The following BCL2L14 variants were observed in gnomAD, a reference collection of about 807,000 sequenced individuals.
The protein encoded by BCL2L14 is apoptosis facilitator Bcl-2-like protein 14.
In BCL2L14, 27 loss-of-function variants were observed where a neutral mutation model predicts 35.3. That is an observed-to-expected ratio of 0.76 (90% CI 0.56 to 1.05). The LOEUF is 1.05. Ranked by LOEUF, BCL2L14 falls within the 50% of genes least tolerant of loss-of-function variation. BCL2L14 has a pLI of 0.00. For synonymous variants in BCL2L14, 139 were observed against 145.9 expected (o/e 0.95, Z 0.34); for missense variants, 377 against 382.6 (o/e 0.99, Z 0.12).
intron 5 of BCL2L14, among the ~76,000 whole-genome samples, chr12:12,098,478 C>G (rs1005735337): frequency 6.6e-6 from 1 of 152,118 alleles, no homozygotes; most frequent in Non-Finnish European, 1.5e-5. Context: ...ATGAATCGAT[C>G]AAATGAATGA....
chr12:12,053,423 C>CT (rs5796482), intron 2 of BCL2L14, among the ~76,000 whole-genome samples: 6,791 of 148,706 alleles, frequency 0.046, 181 homozygotes, highest in Middle Eastern at 0.076. Flanking sequence ...TCTTCTTCTT[C>CT]TTTTTTTTTT....
intron 2 of BCL2L14, among the ~76,000 whole-genome samples, chr12:12,057,833 AG>A (rs1288782997): frequency 6.7e-6 from 1 of 149,278 alleles, no homozygotes; most frequent in Non-Finnish European, 1.5e-5. Context: ...GGTCAGGTTT[AG>A]TGGTTAGCGT....
At chr12:12,067,956 C>T (rs1339923573), upstream of BCL2L14, among the ~76,000 whole-genome samples, 5 of 151,428 alleles carry the variant, frequency 3.3e-5, no homozygotes, top group African/African-American at 1.2e-4. Flanking sequence ...TTTTTTGAGA[C>T]AGGGTCTGGC....
intron 1 of BCL2L14, chr12:12,071,475 T>C (rs1948668404): frequency 6.6e-6 from 1 of 152,146 alleles, no homozygotes; most frequent in Non-Finnish European, 1.5e-5. Flanking sequence ...TGCAATGACA[T>C]GACAGCCATT....
At chr12:12,068,617 C>T (rs1418343508), upstream of BCL2L14, among the ~76,000 whole-genome samples, 1 of 151,884 alleles carries the variant, frequency 6.6e-6, no homozygotes, top group African/African-American at 2.4e-5. Flanking sequence ...CCACCTCAGC[C>T]CCCTGAGTAG....
At chr12:12,067,560 AAAG>A (rs1591810917), upstream of BCL2L14, among the ~76,000 whole-genome samples, 1 of 152,106 alleles carries the variant, frequency 6.6e-6, no homozygotes, top group Non-Finnish European at 1.5e-5. Flanking sequence ...GAAGAAAAAA[AAAG>A]AATCATCCTG....
chr12:12,086,748 A>G (rs1005565056), intron 2 of BCL2L14, among the ~76,000 whole-genome samples: 3 of 152,246 alleles, frequency 2.0e-5, no homozygotes, highest in Non-Finnish European at 4.4e-5. Flanking sequence ...GAGAGCAGGG[A>G]TATTTCTTTC....
intron 1 of BCL2L14, among the ~76,000 whole-genome samples, chr12:12,074,103 ATATT>A (rs1182864852): frequency 1.3e-5 from 2 of 152,190 alleles, no homozygotes; most frequent in Non-Finnish European, 1.5e-5. Flanking sequence ...ACATATACTA[ATATT>A]TATTATATAT....
chr12:12,068,867 C>A (rs985845624), upstream of BCL2L14, among the ~76,000 whole-genome samples: 1 of 152,076 alleles, frequency 6.6e-6, no homozygotes, highest in Non-Finnish European at 1.5e-5. Context: ...GTGGCATGGG[C>A]TGTTTGATTG....
chr12:12,072,679 A>G (rs4763773), intron 1 of BCL2L14, among the ~76,000 whole-genome samples: 31,872 of 152,094 alleles, frequency 0.21, 4,032 homozygotes, highest in South Asian at 0.34. Flanking sequence ...CTTATGGTTT[A>G]CCTTTCCATA....
chr12:12,058,449 A>C (rs1160228598), intron 2 of BCL2L14, among the ~76,000 whole-genome samples: 4 of 152,018 alleles, frequency 2.6e-5, no homozygotes. Context: ...GGGGTTTCAG[A>C]CGGGGTTGGC....
At chr12:12,078,119 C>T (rs2136744718) in intron 1 of BCL2L14, 1 of 200,944 alleles carries the variant, frequency 5.0e-6, no homozygotes, top group South Asian at 7.3e-5. Flanking sequence ...GATCACATCA[C>T]TCTCTACTCA....
At chr12:12,076,154 TGCATGGGGGAGGGTGGGATGCCC>T in intron 1 of BCL2L14, among the ~76,000 whole-genome samples, 1 of 48,086 alleles carries the variant, frequency 2.1e-5, no homozygotes, top group African/African-American at 8.8e-5. Flanking sequence ...GCCCGGAAAA[TGCATGGGGGAGGGTGGGATGCCC>T]GGAAAATGCA....
intron 4 of BCL2L14, among the ~76,000 whole-genome samples, chr12:12,092,304 T>C (rs570751457): frequency 3.9e-5 from 6 of 152,242 alleles, no homozygotes; most frequent in Middle Eastern, 3.2e-3. Context: ...CTTTGCCTGG[T>C]GCTCTCTCTT....
At position 12,060,402 on chromosome 12, in the gene BCL2L14, G is replaced by A. The variant is rs11559830; in HGVS notation, c.-272+8555G>A. Among the ~76,000 whole-genome samples, 124 of 55,614 alleles carry A rather than the reference G, an allele frequency of 2.2e-3. 16 individuals carry two copies. The Admixed American group carries it at 0.025, about 11-fold the overall frequency. The allele number at this position is 55,614 out of a possible 152,430, so 36.5% of individuals were successfully genotyped here. A position where few individuals can be genotyped will look rare whatever the true frequency, so the allele number is the denominator to read the frequency against. The stretch of plus-strand genomic sequence containing the variant: ...CTAGACCCTAAAAGGTCAAAAGGCC[G>A]TCTTATTCTCAAAATACATTTTATT... On this transcript the variant is annotated intron_variant, in intron 2 of 3. Coordinates refer to the BCL2L14 transcript ENST00000461264.
chr12:12,079,113 G>A (rs1224796149), intron 1 of BCL2L14, 186 bp from the exon 2 acceptor site: 5 of 599,392 alleles, frequency 8.3e-6, no homozygotes, highest in African/African-American at 1.9e-5. Context: ...TCTTTATGTG[G>A]AGTTATCTAT....
intron 4 of BCL2L14, among the ~76,000 whole-genome samples, chr12:12,091,331 G>A (rs560254254): frequency 1.3e-5 from 2 of 152,314 alleles, no homozygotes; most frequent in South Asian, 2.1e-4. Flanking sequence ...AGGGAGGTGC[G>A]CTAGTGTTAC....
upstream of BCL2L14, chr12:12,068,149 T>G: frequency 5.0e-6 from 2 of 398,624 alleles, no homozygotes; most frequent in Admixed American, 4.4e-5. Flanking sequence ...ATCACCATGT[T>G]GCCCAGGCTG....
At chr12:12,064,908 C>T (rs977136348) in intron 2 of BCL2L14, among the ~76,000 whole-genome samples, 3 of 152,218 alleles carry the variant, frequency 2.0e-5, no homozygotes, top group Admixed American at 2.0e-4. Context: ...ACGTCTTTCT[C>T]CATCTCATCT....
Sources: allele counts gnomAD v4.1 joint callset (sites outside exome capture counted in the v4.1 genomes callset), GRCh38; gene constraint gnomAD v4.1.1; transcripts MANE v1.5; gene names NCBI Gene and HGNC (gene_info 2026-07-23, HGNC 2026-07-21).